The following CSMD1 variants were observed in gnomAD, a reference collection of about 807,000 sequenced individuals.
CSMD1 encodes the protein CUB and sushi domain-containing protein 1.
A neutral mutation model predicts 417.5 loss-of-function variants in CSMD1; 213 were observed. The ratio of observed to expected loss-of-function variants is 0.51; its 90% CI spans 0.46 to 0.57. The LOEUF is 0.57. Ranked by LOEUF, CSMD1 falls within the 20% of genes least tolerant of loss-of-function variation. CSMD1 has a pLI of 0.00. For missense variants in CSMD1, 6,923 were observed against 4,529.7 expected (o/e 1.53, Z -15.17); for synonymous variants, 2,862 against 1,736.8 (o/e 1.65, Z -16.11).
At chr8:4,040,180 G>C (rs1165682336) in intron 3 of CSMD1, among the ~76,000 whole-genome samples, 1 of 152,140 alleles carries the variant, frequency 6.6e-6, no homozygotes, top group Non-Finnish European at 1.5e-5. Flanking sequence ...TAGTTGTAAT[G>C]GAAGTGAAGG....
At chr8:3,789,728 T>TTTA (rs1799628906) in intron 5 of CSMD1, among the ~76,000 whole-genome samples, 1 of 16,664 alleles carries the variant, frequency 6.0e-5, no homozygotes, top group Non-Finnish European at 9.4e-5. Flanking sequence ...CATGGTTAAT[T>TTTA]TTTTTTTTTT....
chr8:3,658,460 T>C (rs973238130), intron 7 of CSMD1, among the ~76,000 whole-genome samples: 11 of 63,572 alleles, frequency 1.7e-4, no homozygotes, highest in Non-Finnish European at 3.7e-4. Context: ...ATAATATATA[T>C]ATTGTGTATA....
chr8:3,858,479 A>G (rs1401841665), intron 5 of CSMD1, among the ~76,000 whole-genome samples: 1 of 152,178 alleles, frequency 6.6e-6, no homozygotes, highest in African/African-American at 2.4e-5. Context: ...TCTTTAGATA[A>G]TAATTCCAAC....
chr8:3,648,797 G>A lies in CSMD1; in HGVS notation c.1010-32000C>T, dbSNP rs370625026. On this transcript the variant is annotated intron_variant, in intron 7 of 69. Coordinates refer to ENST00000635120, the MANE Select transcript of CSMD1 (RefSeq NM_033225.6). ...CATTGTATTTAAAACCTATCTTTAC[G>A]CGGCACCCCTCTCAGAACATGACAT... 1.1e-4 allele frequency among the ~76,000 whole-genome samples: 17 copies of A among 151,432 alleles called. No homozygotes were observed. The South Asian group carries it at 3.0e-3, about 26-fold the overall frequency.
chr8:3,741,240 A>G (rs1049760951), intron 6 of CSMD1, among the ~76,000 whole-genome samples: 1 of 147,548 alleles, frequency 6.8e-6, no homozygotes, highest in Non-Finnish European at 1.5e-5. Flanking sequence ...AAAAAAAAAA[A>G]ACATACAGAA....
At chr8:4,820,641 A>G (rs1416110189) in intron 1 of CSMD1, among the ~76,000 whole-genome samples, 2 of 152,198 alleles carry the variant, frequency 1.3e-5, no homozygotes, top group African/African-American at 4.8e-5. Flanking sequence ...TGAAAAATTC[A>G]GAATGATTCA....
chr8:4,024,339 T>C (rs1459908099), intron 4 of CSMD1, among the ~76,000 whole-genome samples: 2 of 152,030 alleles, frequency 1.3e-5, no homozygotes, highest in Admixed American at 6.6e-5. Flanking sequence ...AAACCAGAAA[T>C]GGTTAAATCT....
chr8:3,803,732 G>T (rs574100392), intron 5 of CSMD1, among the ~76,000 whole-genome samples: 1 of 152,158 alleles, frequency 6.6e-6, no homozygotes, highest in Non-Finnish European at 1.5e-5. Flanking sequence ...CAGATTGGAA[G>T]CCAGTGACGA....
intron 50 of CSMD1, among the ~76,000 whole-genome samples, chr8:3,031,575 T>A (rs1810343210): frequency 6.6e-6 from 1 of 152,102 alleles, no homozygotes; most frequent in African/African-American, 2.4e-5. Context: ...GTTTCCTTGT[T>A]GTTTTATACA....
At chr8:3,216,241 T>A (rs1263732762) in intron 29 of CSMD1, among the ~76,000 whole-genome samples, 1 of 152,058 alleles carries the variant, frequency 6.6e-6, no homozygotes, top group African/African-American at 2.4e-5. Flanking sequence ...AAATCCCATA[T>A]AGAATATAGA....
chr8:3,828,826 T>A (rs556916824), intron 5 of CSMD1, among the ~76,000 whole-genome samples: 10 of 152,206 alleles, frequency 6.6e-5, no homozygotes, highest in Non-Finnish European at 1.0e-4. Flanking sequence ...TGCCTCACTC[T>A]TGATTGCAAA....
intron 1 of CSMD1, among the ~76,000 whole-genome samples, chr8:4,727,134 C>T (rs1223211255): frequency 6.6e-6 from 1 of 152,086 alleles, no homozygotes; most frequent in East Asian, 1.9e-4. Context: ...AATGTAACTT[C>T]TGCGGGGACA....
chr8:3,825,250 C>T (rs1585051574), intron 5 of CSMD1, among the ~76,000 whole-genome samples: 1 of 152,120 alleles, frequency 6.6e-6, no homozygotes, highest in Admixed American at 6.5e-5. Flanking sequence ...CCTTGAGAGG[C>T]CGGGTGTGGT....
At chr8:4,187,851 G>A (rs578028334) in intron 3 of CSMD1, among the ~76,000 whole-genome samples, 1 of 151,880 alleles carries the variant, frequency 6.6e-6, no homozygotes, top group South Asian at 2.1e-4. Context: ...CTATTTCATA[G>A]GCAGTTTTAT....
intron 29 of CSMD1, among the ~76,000 whole-genome samples, chr8:3,217,663 G>A (rs1022305586): frequency 1.1e-4 from 17 of 152,098 alleles, no homozygotes; most frequent in Admixed American, 3.9e-4. Context: ...ATTCCTAAAC[G>A]TGACGGATCC....
rs112135587 is a variant in CSMD1 at position 3,494,889 on chromosome 8, G to C, written c.1345-1163C>G. 3.9e-5 allele frequency among the ~76,000 whole-genome samples: 6 copies of C among 152,314 alleles called. No individual in the cohort carries two copies. In the East Asian group the frequency reaches 9.7e-4, roughly 25 times the overall value. ...CCTGTTTGTTAAGCTTGAAAGAAAA[G>C]AGTAAGTGGTAGCATAGAGAAGACA... On this transcript the variant is annotated intron_variant, in intron 10 of 69. Transcript: ENST00000635120.
At chr8:3,626,311 T>C (rs978538798) in intron 7 of CSMD1, among the ~76,000 whole-genome samples, 1 of 152,162 alleles carries the variant, frequency 6.6e-6, no homozygotes, top group Non-Finnish European at 1.5e-5. Context: ...TCAGAAATAG[T>C]TTTGGGGGCT....
chr8:3,157,864 G>C, intron 39 of CSMD1, 33 bp downstream of exon 39: 6 of 1,514,238 alleles, frequency 4.0e-6, no homozygotes, highest in Non-Finnish European at 4.5e-6. Flanking sequence ...CAGTGTGTGC[G>C]CAGCAGCAGA....
chr8:3,217,239 T>C (rs1039885960), intron 29 of CSMD1, among the ~76,000 whole-genome samples: 11 of 152,384 alleles, frequency 7.2e-5, no homozygotes, highest in Admixed American at 5.9e-4. Flanking sequence ...ATGGCATCAT[T>C]CCTATTCTCT....
Sources: allele counts gnomAD v4.1 joint callset (sites outside exome capture counted in the v4.1 genomes callset), GRCh38; gene constraint gnomAD v4.1.1; transcripts MANE v1.5; gene names NCBI Gene and HGNC (gene_info 2026-07-23, HGNC 2026-07-21).